MPDZ: variants seen among roughly 807,000 people sequenced by gnomAD.
MPDZ encodes multiple PDZ domain protein.
Under a neutral mutation model 239.1 loss-of-function variants are expected in MPDZ, and 234 were observed. The ratio of observed to expected loss-of-function variants is 0.98; its 90% CI spans 0.88 to 1.09. The LOEUF (loss-of-function observed/expected upper bound fraction) is 1.09, where lower values mean the gene tolerates loss of function less well. Ranked by LOEUF, MPDZ falls within the 50% of genes least tolerant of loss-of-function variation. MPDZ has a pLI of 0.00. For synonymous variants in MPDZ, 1,048 were observed against 881.3 expected, an observed-to-expected ratio of 1.19 and a Z score of -3.35; for missense variants, 3,175 against 2,510.0, an observed-to-expected ratio of 1.26 and a Z score of -5.66.
intron 14 of MPDZ, among the ~76,000 whole-genome samples, chr9:13,192,793 G>A (rs1397129030): frequency 6.6e-6 from 1 of 152,060 alleles, no homozygotes; most frequent in Non-Finnish European, 1.5e-5. Flanking sequence ...CTAATGAAGG[G>A]TGATGAGAAC....
rs1407231046 is a variant in MPDZ, at chr9:13,265,752, T to G, written c.-58+13648A>C. 3.3e-5 allele frequency among the ~76,000 whole-genome samples: 5 copies of G among 152,004 alleles called. No homozygotes were observed. In the East Asian group the frequency reaches 9.7e-4, roughly 29 times the overall value. On this transcript the variant is annotated intron_variant, in intron 1 of 46. Transcript: ENST00000319217. ...CAGGATTTTCATTGACTTTGTGAGA[T>G]CTCGATGACACTGGGGCAGAACAAT... is the stretch of plus-strand genomic sequence containing the variant.
chr9:13,225,662 T>C (rs1182528204), intron 3 of MPDZ, among the ~76,000 whole-genome samples: 1 of 152,006 alleles, frequency 6.6e-6, no homozygotes, highest in Non-Finnish European at 1.5e-5. Context: ...CAGTACTCCA[T>C]ATAGTAACAT....
chr9:13,262,009 A>G (rs1970795472), intron 1 of MPDZ, among the ~76,000 whole-genome samples: 1 of 151,926 alleles, frequency 6.6e-6, no homozygotes. Context: ...CACGCCACTG[A>G]ACTCCAGCCT....
At chr9:13,267,005 C>T (rs1971924800) in intron 1 of MPDZ, among the ~76,000 whole-genome samples, 1 of 152,166 alleles carries the variant, frequency 6.6e-6, no homozygotes, top group Non-Finnish European at 1.5e-5. Context: ...ACCAAATACT[C>T]CAAGAGGCAA....
At chr9:13,225,128 A>T (rs1228760094) in intron 3 of MPDZ, among the ~76,000 whole-genome samples, 1 of 152,112 alleles carries the variant, frequency 6.6e-6, no homozygotes, top group African/African-American at 2.4e-5. Context: ...TGGGTTTGCA[A>T]CACAGTCAAA....
At chr9:13,139,890 C>A (rs1395873252) in intron 28 of MPDZ, 97 bp downstream of exon 28, 1 of 1,390,104 alleles carries the variant, frequency 7.2e-7, no homozygotes, top group South Asian at 1.2e-5. Context: ...TATCACAAAG[C>A]TGCAACATAC....
Position 13,150,753 on chromosome 9 carries a change from A to C in MPDZ, c.3453-65T>G, listed in dbSNP as rs59057806. The C allele has an allele frequency of 3.4e-4, 377 of 1,122,542 alleles. 2 individuals are homozygous for C. In the African/African-American group the frequency reaches 5.6e-3, roughly 17 times the overall value. 69.5% of individuals were successfully genotyped at this position (1,122,542 alleles called of 1,614,324 possible). A position where few individuals can be genotyped will look rare whatever the true frequency, so the allele number is the denominator to read the frequency against. On this transcript the variant is annotated intron_variant, in intron 24 of 46. Transcript: ENST00000319217. ...ATAAGGGTAAAGCTTCATGATGCTG[A>C]ATTTGGCAATGATTTCTTATATATA...
intron 1 of MPDZ, among the ~76,000 whole-genome samples, chr9:13,262,968 A>G (rs1233771406): frequency 6.6e-6 from 1 of 152,226 alleles, no homozygotes; most frequent in Non-Finnish European, 1.5e-5. Context: ...AGGAGTGGAC[A>G]AATGGAAGGA....
At chr9:13,133,763 G>T in intron 32 of MPDZ, 61 bp downstream of exon 32, 2 of 1,206,850 alleles carry the variant, frequency 1.7e-6, no homozygotes, top group Admixed American at 3.6e-5. Context: ...AGAACACAGT[G>T]AATTAGAACA....
intron 1 of MPDZ, among the ~76,000 whole-genome samples, chr9:13,258,443 C>T (rs911942939): frequency 2.0e-5 from 3 of 152,192 alleles, no homozygotes; most frequent in African/African-American, 7.2e-5. Flanking sequence ...TCTGTTTTTG[C>T]ATTTAAATTT....
chr9:13,122,019 G>C, intron 37 of MPDZ, 68 bp downstream of exon 37: 1 of 1,601,068 alleles, frequency 6.2e-7, no homozygotes, highest in Non-Finnish European at 8.6e-7. Flanking sequence ...AAGAAGCAAA[G>C]AAAGAAACAC....
rs372531920 is a variant in MPDZ, at chr9:13,110,595, G to C, written c.5829+41C>G. On this transcript the variant is annotated intron_variant, in intron 44 of 46. Coordinates refer to ENST00000319217, the MANE Select transcript of MPDZ (RefSeq NM_001378778.1). ...AACATCAAAGCTCATGTGTCTTCAG[G>C]CTACCTATATTCTGAATTATGCTTG... is the stretch of plus-strand genomic sequence containing the variant. 3.2e-5 allele frequency: 46 copies of C among 1,415,692 alleles called. No homozygotes were observed. In the African/African-American group the frequency reaches 6.2e-4, roughly 19 times the overall value. The allele number at this position is 1,415,692 out of a possible 1,614,324, so 87.7% of individuals were successfully genotyped here.
chr9:13,109,188 G>T, intron 45 of MPDZ, 129 bp from the exon 46 acceptor site: 1 of 772,060 alleles, frequency 1.3e-6, no homozygotes, highest in Non-Finnish European at 1.7e-6. Flanking sequence ...AGTATATTAC[G>T]GGTATTTTTG....
intron 1 of MPDZ, among the ~76,000 whole-genome samples, chr9:13,251,671 A>G (rs1330222159): frequency 6.6e-6 from 1 of 152,234 alleles, no homozygotes; most frequent in Non-Finnish European, 1.5e-5. Flanking sequence ...GACAAAATTC[A>G]TTTGGCAAAA....
In MPDZ at chr9:13,192,234, A is replaced by C. The variant is rs974989667; in HGVS notation, c.1865T>G (p.Leu622Arg). The C allele has an allele frequency of 3.1e-6, 5 of 1,607,264 alleles. No homozygotes were observed. The Admixed American group carries it at 8.5e-5, about 27-fold the overall frequency. ...HQDVVNILKE[L>R]PIEVTMVCCR... is the part of the protein sequence containing the mutation. ...GCACACCATTGTCACTTCTATAGGC[A>C]GTTCTTTTAAGATATTCACCACATC... The change falls in exon 15 of 47, where the codon CTG becomes CGG. Residue 622 changes from leucine (L) to arginine (R), a missense_variant. Leu to Arg is a moderately radical substitution (Grantham distance 102, BLOSUM62 -2). Coordinates refer to ENST00000319217, the MANE Select transcript of MPDZ (RefSeq NM_001378778.1).
rs555692645 is a variant in MPDZ at position 13,221,232 on chromosome 9, A to G, written c.876+140T>C. On this transcript the variant is annotated intron_variant, in intron 7 of 46. Transcript: ENST00000319217. ...AGGTCTAAGACAACATTTTAGGGAC[A>G]CTCAATAAAACGAAAGATTCTAACT... 2,642 of 842,642 alleles carry G rather than the reference A, an allele frequency of 3.1e-3. 11 individuals are homozygous for G. The highest frequency in any genetic ancestry group is 4.1e-3 in the Non-Finnish European group (2,412 of 588,688). 52.2% of individuals were successfully genotyped at this position (842,642 alleles called of 1,614,324 possible).
At chr9:13,182,460 A>G (rs1953479024) in intron 19 of MPDZ, among the ~76,000 whole-genome samples, 1 of 152,126 alleles carries the variant, frequency 6.6e-6, no homozygotes, top group South Asian at 2.1e-4. Flanking sequence ...TTTGAAGTTG[A>G]GAAGTATCCT....
Position 13,123,204 on chromosome 9 carries a change from T to C in MPDZ, c.4902A>G (p.Lys1634=), listed in dbSNP as rs1440609663. ...PGCETTIEIS[K]GRTGLGLSIV... is the part of the protein sequence containing the mutation. The stretch of plus-strand genomic sequence containing the variant: ...TGCTCAGGCCCAGCCCTGTTCGCCC[T>C]TTGGAAATCTCGATGGTTGTTTCGC... Residue 1634 remains lysine (K), a synonymous_variant, in exon 36 of 47, where the codon AAA becomes AAG. Transcript: ENST00000319217. The C allele has an allele frequency of 3.7e-6, 6 of 1,613,136 alleles. No individual in the cohort carries two copies. The highest frequency in any genetic ancestry group is 4.2e-6 in the Non-Finnish European group (5 of 1,179,808).
chr9:13,165,125 T>C (rs568602733), intron 22 of MPDZ, among the ~76,000 whole-genome samples: 8 of 152,264 alleles, frequency 5.3e-5, no homozygotes, highest in African/African-American at 1.9e-4. Flanking sequence ...GAAAGCTTCA[T>C]AATTGGAAAA....
Sources: allele counts gnomAD v4.1 joint callset (sites outside exome capture counted in the v4.1 genomes callset), GRCh38; gene constraint gnomAD v4.1.1; transcripts MANE v1.5; gene names NCBI Gene and HGNC (gene_info 2026-07-23, HGNC 2026-07-21).